The following GPRIN2 variants were observed in gnomAD, a reference collection of about 807,000 sequenced individuals.
GPRIN2 encodes the protein G protein regulated inducer of neurite outgrowth 2.
In GPRIN2, 1 loss-of-function variant was observed where a neutral mutation model predicts 0.3. The ratio of observed to expected loss-of-function variants is 3.90; its 90% confidence interval spans 1.39 to 18.51. The LOEUF is 18.51. GPRIN2 is among the 30% of genes most tolerant of loss of function. GPRIN2 has a pLI of 0.11. For synonymous variants in GPRIN2, 361 were observed against 258.6 expected, an observed-to-expected ratio of 1.40 and a Z score of -3.80; for missense variants, 880 against 604.2, an observed-to-expected ratio of 1.46 and a Z score of -4.79.
Position 46,549,275 on chromosome 10 carries a change from C to G in GPRIN2, c.*85G>C. ...AGATGTGCCCAGCTGCCGGTGGGTC[C>G]AGGGGGCACGGAGCCCCCACCGTCC... On this transcript the variant is annotated 3_prime_UTR_variant, in exon 3 of 3. Coordinates refer to ENST00000374314, the MANE Select transcript of GPRIN2 (RefSeq NM_001385282.1). The G allele has an allele frequency of 7.0e-7, 1 of 1,428,522 alleles. No individual in the cohort carries two copies. Among genetic ancestry groups the G allele is most frequent in the Admixed American group, 3.0e-5 (1 of 33,000 alleles). 88.5% of individuals were successfully genotyped at this position (1,428,522 alleles called of 1,614,324 possible).
rs1842402502 is a variant in GPRIN2 at position 46,548,875 on chromosome 10, A to G, written c.*485T>C. On this transcript the variant is annotated 3_prime_UTR_variant, in exon 3 of 3. Transcript: ENST00000374314. ...GAGGTGAAGACAGGACAAGCACAGT[A>G]TGTGGCACACAGGAGGCCTCTGATA... is the stretch of plus-strand genomic sequence containing the variant. 6.6e-6 allele frequency among the ~76,000 whole-genome samples: 1 copy of G among 152,312 alleles called. No individual in the cohort carries two copies. The highest frequency in any genetic ancestry group is 2.4e-5 in the African/African-American group (1 of 41,488).
intron 2 of GPRIN2, among the ~76,000 whole-genome samples, chr10:46,553,024 A>T (rs1842786643): frequency 2.0e-5 from 3 of 152,422 alleles, no homozygotes; most frequent in African/African-American, 7.2e-5. Context: ...GCCAAGGGCC[A>T]GACACGTGCC....
intron 2 of GPRIN2, among the ~76,000 whole-genome samples, chr10:46,552,956 GA>G (rs1842778983): frequency 6.6e-6 from 1 of 152,426 alleles, no homozygotes; most frequent in South Asian, 2.1e-4. Flanking sequence ...ACAAACAAAG[GA>G]GGGCAATAAA....
Position 46,550,712 on chromosome 10 carries a change from C to A in GPRIN2, c.25G>T (p.Gly9Cys). 1 of 1,509,120 alleles carries A rather than the reference C, an allele frequency of 6.6e-7. No homozygotes were observed. The highest frequency in any genetic ancestry group is 8.8e-7 in the Non-Finnish European group (1 of 1,131,096). The allele number at this position is 1,509,120 out of a possible 1,614,324, so 93.5% of individuals were successfully genotyped here. A position where few individuals can be genotyped will look rare whatever the true frequency, so the allele number is the denominator to read the frequency against. Residue 9 changes from glycine to cysteine, a missense_variant, in exon 3 of 3, where the codon GGT becomes TGT. Physicochemically the swap from Gly to Cys is radical, Grantham distance 159. Transcript: ENST00000374314. ...CGGGGGCTCAGGGGTGCCCAGGGAC[C>A]CGGCTCGGGGCGGCTGGAGCTCATG... MSSSRPEP[G>C]PWAPLSPRLQ...
In GPRIN2 at chr10:46,549,996, G is replaced by C; in HGVS notation, c.741C>G (p.Cys247Trp). 1 of 1,602,626 alleles carries C rather than the reference G, an allele frequency of 6.2e-7. No homozygotes were observed. Residue 247 changes from cysteine to tryptophan, a missense_variant, in exon 3 of 3, where the codon TGC becomes TGG. By Grantham distance (215) the Cys-to-Trp change is radical (BLOSUM62 -2). Coordinates refer to ENST00000374314, the MANE Select transcript of GPRIN2 (RefSeq NM_001385282.1). ...GGATCCCTGTGGCAGGTAGGGCATG[G>C]CAGCAGCCACCAGCCCTCACCTCCC... is the stretch of plus-strand genomic sequence containing the variant. ...GMREVRAGGC[C>W]HALPATGILA...
At chr10:46,555,599 C>T (rs1831898437) in intron 1 of GPRIN2, 8,708 of 148,470 alleles carry the variant, frequency 0.059, no homozygotes, top group Admixed American at 0.1. Context: ...CTACATGCCC[C>T]GGGTCACAAG....
chr10:46,557,571 TCTC>T (rs1488035425), upstream of GPRIN2, among the ~76,000 whole-genome samples: 5 of 152,420 alleles, frequency 3.3e-5, no homozygotes, highest in African/African-American at 7.2e-5. Context: ...CCCGCCTTCT[TCTC>T]CGCAATTCCC....
chr10:46,542,225 G>A lies in GPRIN2; in HGVS notation c.*7135C>T, dbSNP rs1456339722. ...ACAGGGAACAAATCTGAGTGGAGGG[G>A]AGAATTCTACCCCTCCCAGGGTTCC... On this transcript the variant is annotated 3_prime_UTR_variant, in exon 3 of 3. Transcript: ENST00000374314. 5.9e-5 allele frequency among the ~76,000 whole-genome samples: 9 copies of A among 152,302 alleles called. No individual in the cohort carries two copies. The highest frequency in any genetic ancestry group is 4.4e-5 in the Non-Finnish European group (3 of 68,056).
rs1842349066 is a variant in GPRIN2, at chr10:46,548,275, G to A, written c.*1085C>T. Among the ~76,000 whole-genome samples the A allele has an allele frequency of 2.0e-5, 3 of 152,292 alleles. No homozygotes were observed. Among genetic ancestry groups the A allele is most frequent in the African/African-American group, 4.8e-5 (2 of 41,480 alleles). On this transcript the variant is annotated 3_prime_UTR_variant, in exon 3 of 3. Transcript: ENST00000374314. ...ATGTTTCTGTCTCTCCAAGGCCCCTGGCCCCCACTGCCTAGCCTAGGTCAG... is the reference window on the plus strand; with the variant it reads ...ATGTTTCTGTCTCTCCAAGGCCCCTAGCCCCCACTGCCTAGCCTAGGTCAG...
In GPRIN2 at chr10:46,543,077, A is replaced by C. The variant is rs1833044968; in HGVS notation, c.*6283T>G. 1.3e-5 allele frequency among the ~76,000 whole-genome samples: 2 copies of C among 152,308 alleles called. No individual in the cohort carries two copies. The highest frequency in any genetic ancestry group is 4.8e-5 in the African/African-American group (2 of 41,484). ...TGGGCAAAAGCAATGGAAACTTGGC[A>C]CAGCAACCCCAGGGAGACCTCCCTC... On this transcript the variant is annotated 3_prime_UTR_variant, in exon 3 of 3. Transcript: ENST00000374314.
rs1841830680 is a variant in GPRIN2 at position 46,542,417 on chromosome 10, A to G, written c.*6943T>C. On this transcript the variant is annotated 3_prime_UTR_variant, in exon 3 of 3. Transcript: ENST00000374314. ...ATGGAATCGTGGGGGCGGTTCCCCCATGCTGTTCTTGTGATAGTAAGTTCT... is the reference window on the plus strand; with the variant it reads ...ATGGAATCGTGGGGGCGGTTCCCCCGTGCTGTTCTTGTGATAGTAAGTTCT... 6.6e-6 allele frequency among the ~76,000 whole-genome samples: 1 copy of G among 152,308 alleles called. No individual in the cohort carries two copies. Among genetic ancestry groups the G allele is most frequent in the South Asian group, 2.1e-4 (1 of 4,838 alleles).
At position 46,549,355 on chromosome 10, in the gene GPRIN2, G is replaced by A; in HGVS notation, c.*5C>T. On this transcript the variant is annotated 3_prime_UTR_variant, in exon 3 of 3. Transcript: ENST00000374314. ...GCCCAGGCCAGCTCCAAGGGCCACA[G>A]CTCCTCACTCGGGGGCCGCGCCGGA... 6.8e-7 allele frequency: 1 copy of A among 1,468,990 alleles called. No individual in the cohort carries two copies. The highest frequency in any genetic ancestry group is 1.4e-5 in the South Asian group (1 of 69,292). The allele number at this position is 1,468,990 out of a possible 1,614,324, so 91.0% of individuals were successfully genotyped here. A position where few individuals can be genotyped will look rare whatever the true frequency, so the allele number is the denominator to read the frequency against.
chr10:46,551,447 G>A (rs1842599548), intron 2 of GPRIN2: 1 of 985,420 alleles, frequency 1.0e-6, no homozygotes. Flanking sequence ...GAGGCCCCAT[G>A]CATCAGCTTT....
chr10:46,543,118 A>G lies in GPRIN2; in HGVS notation c.*6242T>C, dbSNP rs1833043885. Among the ~76,000 whole-genome samples, 94 of 152,374 alleles carry G rather than the reference A, an allele frequency of 6.2e-4. No individual in the cohort carries two copies. Among genetic ancestry groups the G allele is most frequent in the South Asian group, 1.7e-3 (8 of 4,832 alleles). ...GACCTCCCTCTGTAAGGAGATGCTC[A>G]GATGTTTTGGTTTGTGTCCAAAGAG... On this transcript the variant is annotated 3_prime_UTR_variant, in exon 3 of 3. Coordinates refer to ENST00000374314, the MANE Select transcript of GPRIN2 (RefSeq NM_001385282.1).
In GPRIN2 at chr10:46,550,093, G is replaced by T; in HGVS notation, c.644C>A (p.Pro215His). 6.2e-7 allele frequency: 1 copy of T among 1,613,048 alleles called. No homozygotes were observed. ...GGTAGCCAGCTGTTCAGCAGCTTTG[G>T]GCTCAGCCTGGGCACTGCTGCTGTG... ...TAHSSSAQAE[P>H]KAAEQLATTT... Residue 215 changes from proline to histidine, a missense_variant, in exon 3 of 3, where the codon CCC becomes CAC. Coordinates refer to ENST00000374314, the MANE Select transcript of GPRIN2 (RefSeq NM_001385282.1).
At chr10:46,557,526 A>G (rs1831737833), upstream of GPRIN2, among the ~76,000 whole-genome samples, 3 of 152,424 alleles carry the variant, frequency 2.0e-5, no homozygotes, top group African/African-American at 4.8e-5. Flanking sequence ...GGGCGAGGGC[A>G]GTGACCGTGC....
rs1832643096 is a variant in GPRIN2 at position 46,549,655 on chromosome 10, T to G, written c.1082A>C (p.His361Pro). 3.1e-6 allele frequency: 5 copies of G among 1,614,186 alleles called. No homozygotes were observed. Among genetic ancestry groups the G allele is most frequent in the South Asian group, 2.2e-5 (2 of 91,090 alleles). The change falls in exon 3 of 3, where the codon CAT becomes CCT. Residue 361 changes from histidine (H) to proline (P), a missense_variant. Coordinates refer to ENST00000374314, the MANE Select transcript of GPRIN2 (RefSeq NM_001385282.1). ...SPSLEAPAAL[H>P]VFPEVTLGSS... is the part of the protein sequence containing the mutation. ...CCCCAGAGTTACCTCTGGGAACACA[T>G]GCAGGGCTGCAGGCGCTTCCAGGGA...
chr10:46,555,039 T>C (rs1831949892), intron 1 of GPRIN2, among the ~76,000 whole-genome samples: 128,018 of 152,162 alleles, frequency 0.84, 51,939 homozygotes, highest in East Asian at 0.95. Context: ...CTCTGCCTCC[T>C]GGGTTCACGT....
rs1183961689 is a variant in GPRIN2 at position 46,545,628 on chromosome 10, G to A, written c.*3732C>T. Among the ~76,000 whole-genome samples the A allele has an allele frequency of 6.6e-6, 1 of 152,306 alleles. No individual in the cohort carries two copies. The highest frequency in any genetic ancestry group is 1.9e-4 in the East Asian group (1 of 5,204). The stretch of plus-strand genomic sequence containing the variant: ...GCAGGGTGCAAAGCTGTGGGGCGAG[G>A]AACCTGGAAAGAGGCTCTGAACAAG... On this transcript the variant is annotated 3_prime_UTR_variant, in exon 3 of 3. Transcript: ENST00000374314.
Sources: allele counts gnomAD v4.1 joint callset (sites outside exome capture counted in the v4.1 genomes callset), GRCh38; gene constraint gnomAD v4.1.1; transcripts MANE v1.5; gene names NCBI Gene and HGNC (gene_info 2026-07-23, HGNC 2026-07-21).